Variants in ANKRD44 observed in about 807,000 individuals in gnomAD.
ANKRD44 encodes ankyrin repeat domain 44.
A neutral mutation model predicts 116.0 loss-of-function variants in ANKRD44; 35 were observed. That is an observed-to-expected ratio of 0.30 (90% confidence interval 0.23 to 0.40). The LOEUF (loss-of-function observed/expected upper bound fraction) is 0.40. Among genes scored for constraint, ANKRD44 ranks in the 10% least tolerant of loss-of-function variants. The pLI, the probability that ANKRD44 is intolerant of heterozygous loss-of-function variation, is 1.00. For missense variants in ANKRD44, 1,014 were observed against 1,242.6 expected (o/e 0.82, Z 2.77); for synonymous variants, 435 against 461.8 (o/e 0.94, Z 0.74).
intron 1 of ANKRD44, among the ~76,000 whole-genome samples, chr2:197,253,258 C>T (rs1486258170): frequency 6.6e-6 from 1 of 152,122 alleles, no homozygotes; most frequent in African/African-American, 2.4e-5. Flanking sequence ...AACCTGGTGG[C>T]ATTCCCAATT....
At chr2:197,225,490 C>T (rs1368457700) in intron 1 of ANKRD44, among the ~76,000 whole-genome samples, 1 of 152,034 alleles carries the variant, frequency 6.6e-6, no homozygotes, top group Non-Finnish European at 1.5e-5. Flanking sequence ...ATTACAGGTT[C>T]CAACCACCAC....
At chr2:197,148,084 G>A (rs2079550672) in intron 2 of ANKRD44, among the ~76,000 whole-genome samples, 1 of 152,096 alleles carries the variant, frequency 6.6e-6, no homozygotes, top group South Asian at 2.1e-4. Flanking sequence ...CTGTAAATTG[G>A]CGATAATAAA....
At chr2:197,076,794 T>C (rs924952396) in intron 16 of ANKRD44, among the ~76,000 whole-genome samples, 1 of 151,806 alleles carries the variant, frequency 6.6e-6, no homozygotes, top group Non-Finnish European at 1.5e-5. Context: ...CTAAAGATTA[T>C]GTCCTCCAGC....
chr2:197,080,133 G>C (rs1320988321), intron 15 of ANKRD44, among the ~76,000 whole-genome samples: 1 of 152,194 alleles, frequency 6.6e-6, no homozygotes, highest in Non-Finnish European at 1.5e-5. Context: ...TAACATGCTA[G>C]TGGACACACA....
intron 1 of ANKRD44, among the ~76,000 whole-genome samples, chr2:197,252,889 A>C (rs1422808439): frequency 1.3e-5 from 2 of 152,184 alleles, no homozygotes; most frequent in Non-Finnish European, 2.9e-5. Context: ...TCCTTTACCT[A>C]AAAAAGAGTA....
In ANKRD44 at chr2:197,289,604, A is replaced by T. The variant is rs538258517; in HGVS notation, c.27+20974T>A. 5.3e-5 allele frequency among the ~76,000 whole-genome samples: 8 copies of T among 152,350 alleles called. No homozygotes were observed. The East Asian group carries it at 1.5e-3, about 29-fold the overall frequency. The stretch of plus-strand genomic sequence containing the variant: ...AATCTCAAAATCCTTATGCTGAGCA[A>T]AAGAAGCCAGAAACTAAAGAGGACA... On this transcript the variant is annotated intron_variant, in intron 1 of 27. Transcript: ENST00000282272.
chr2:197,236,805 G>A (rs1429510456), intron 1 of ANKRD44, among the ~76,000 whole-genome samples: 1 of 152,070 alleles, frequency 6.6e-6, no homozygotes, highest in Non-Finnish European at 1.5e-5. Context: ...GAATCCCCGT[G>A]CCACTTCAGT....
At chr2:197,086,652 C>A in intron 13 of ANKRD44, 28 bp downstream of exon 13, 2 of 1,609,914 alleles carry the variant, frequency 1.2e-6, no homozygotes, top group Non-Finnish European at 1.7e-6. Context: ...TATTTAAGCA[C>A]TTGAAGCACA....
intron 9 of ANKRD44, among the ~76,000 whole-genome samples, chr2:197,108,957 C>T (rs4850762): frequency 0.94 from 142,370 of 152,260 alleles, 66,786 homozygotes; most frequent in East Asian, 1. Flanking sequence ...CTTGCAGAGG[C>T]CAAAGCTGCC....
At chr2:197,276,978 A>C (rs1024936127) in intron 1 of ANKRD44, among the ~76,000 whole-genome samples, 1 of 142,518 alleles carries the variant, frequency 7.0e-6, no homozygotes, top group Non-Finnish European at 1.5e-5. Flanking sequence ...CCCAGGCTGG[A>C]GTACAGCGGC....
intron 21 of ANKRD44, among the ~76,000 whole-genome samples, chr2:196,974,918 G>A (rs2075746396): frequency 6.6e-6 from 1 of 151,068 alleles, no homozygotes; most frequent in Non-Finnish European, 1.5e-5. Flanking sequence ...AAAACGAAGA[G>A]TAAACTATAC....
intron 1 of ANKRD44, among the ~76,000 whole-genome samples, chr2:197,236,086 A>C (rs1167580291): frequency 6.6e-6 from 1 of 152,176 alleles, no homozygotes; most frequent in Non-Finnish European, 1.5e-5. Context: ...AACCGGATAA[A>C]TGCCACATAA....
intron 1 of ANKRD44, chr2:197,250,855 A>T (rs1188860085): frequency 6.6e-6 from 1 of 152,246 alleles, no homozygotes; most frequent in East Asian, 1.9e-4. Context: ...CAGAAAAGAC[A>T]GGTGACAAAG....
At position 197,009,041 on chromosome 2, in the gene ANKRD44, A is replaced by G; in HGVS notation, c.1925-10T>C. 1 of 1,609,848 alleles carries G rather than the reference A, an allele frequency of 6.2e-7. No individual in the cohort carries two copies. The highest frequency in any genetic ancestry group is 8.5e-7 in the Non-Finnish European group (1 of 1,176,216). ...GTGTGACCATTAATTACTGAAAAAG[A>G]AAACAGTGGACAGTCTTTTAACAGA... On this transcript the variant is annotated splice_polypyrimidine_tract_variant and intron_variant, in intron 18 of 27. Transcript: ENST00000282272.
chr2:196,976,411 A>G (rs1448139836), intron 21 of ANKRD44, among the ~76,000 whole-genome samples: 1 of 152,202 alleles, frequency 6.6e-6, no homozygotes, highest in Non-Finnish European at 1.5e-5. Flanking sequence ...TGTCACTCAC[A>G]CCACATCTAT....
At chr2:197,142,876 A>G (rs1003306955) in intron 3 of ANKRD44, among the ~76,000 whole-genome samples, 3 of 152,066 alleles carry the variant, frequency 2.0e-5, no homozygotes, top group Admixed American at 1.3e-4. Context: ...GTGGTGGCTC[A>G]TGCCTGTAAT....
At position 197,110,990 on chromosome 2, in the gene ANKRD44, G is replaced by A. The variant is rs2078551954; in HGVS notation, c.907-146C>T. The stretch of plus-strand genomic sequence containing the variant: ...TTTTAAGTATGATCAACATGAGGCT[G>A]CAGTGAGCTAGGATTTTACCACTGT... On this transcript the variant is annotated intron_variant, in intron 8 of 27. Transcript: ENST00000282272. 1.9e-5 allele frequency: 12 copies of A among 620,248 alleles called. No homozygotes were observed. In the South Asian group the frequency reaches 2.2e-4, roughly 11 times the overall value. The allele number at this position is 620,248 out of a possible 1,614,324, so 38.4% of individuals were successfully genotyped here.
At chr2:197,021,512 A>G (rs1424357743) in intron 17 of ANKRD44, among the ~76,000 whole-genome samples, 1 of 152,242 alleles carries the variant, frequency 6.6e-6, no homozygotes, top group Non-Finnish European at 1.5e-5. Context: ...GTGAGATGGT[A>G]TCTCATTGCG....
At chr2:197,230,189 G>A (rs2081825478) in intron 1 of ANKRD44, among the ~76,000 whole-genome samples, 1 of 152,116 alleles carries the variant, frequency 6.6e-6, no homozygotes, top group Non-Finnish European at 1.5e-5. Context: ...TGACACATCT[G>A]TGGCTGCATT....
Sources: allele counts gnomAD v4.1 joint callset (sites outside exome capture counted in the v4.1 genomes callset), GRCh38; gene constraint gnomAD v4.1.1; transcripts MANE v1.5; gene names NCBI Gene and HGNC (gene_info 2026-07-23, HGNC 2026-07-21).